The following PGLYRP2 variants were observed in gnomAD, a reference collection of about 807,000 sequenced individuals.
PGLYRP2 encodes peptidoglycan recognition protein 2, also known as N-acetylmuramoyl-L-alanine amidase.
PGLYRP2 carries 38 observed loss-of-function variants against 46.2 expected under a neutral mutation model. The ratio of observed to expected loss-of-function variants is 0.82; its 90% CI spans 0.64 to 1.08. The LOEUF is 1.08. PGLYRP2 is among the 50% of genes least tolerant of loss of function. The pLI is 0.00. For synonymous variants in PGLYRP2, 289 were observed against 329.4 expected (o/e 0.88, Z 1.33); for missense variants, 713 against 755.9 (o/e 0.94, Z 0.67).
At chr19:15,475,346 G>A (rs1599766436) in intron 2 of PGLYRP2, among the ~76,000 whole-genome samples, 192 bp downstream of exon 2, 1 of 152,094 alleles carries the variant, frequency 6.6e-6, no homozygotes, top group East Asian at 1.9e-4. Flanking sequence ...AACAAAATGA[G>A]ATGAACTCCT....
chr19:15,472,084 G>T lies in PGLYRP2; in HGVS notation c.1149C>A (p.His383Gln), dbSNP rs1044234704. Residue 383 changes from histidine (H) to glutamine (Q), a missense_variant, in exon 3 of 5, where the codon CAC becomes CAA. Coordinates refer to ENST00000340880, the MANE Select transcript of PGLYRP2 (RefSeq NM_052890.4). ...GCGCCGCTCCCCAGCGGCAGCGGGG[G>T]TGGATGGCCGGGCATCCTACAGGCA... ...TEAFLGCPAI[H>Q]PRCRWGAAPY... 1 of 1,602,958 alleles carries T rather than the reference G, an allele frequency of 6.2e-7. No homozygotes were observed. Among genetic ancestry groups the T allele is most frequent in the Non-Finnish European group, 8.5e-7 (1 of 1,179,634 alleles).
intron 3 of PGLYRP2, among the ~76,000 whole-genome samples, chr19:15,471,241 T>A (rs906620833): frequency 6.6e-6 from 1 of 150,476 alleles, no homozygotes; most frequent in East Asian, 2.0e-4. Flanking sequence ...GCCTCCCAAG[T>A]AGCTGGGACT....
At position 15,469,011 on chromosome 19, in the gene PGLYRP2, G is replaced by C; in HGVS notation, c.1642-259C>G. ...TGATGGCGATCAAGGGCTGGGATGA[G>C]GTCATCAGGTCAAAGTTGTGCTGGC... On this transcript the variant is annotated intron_variant, in intron 4 of 4. Coordinates refer to ENST00000340880, the MANE Select transcript of PGLYRP2 (RefSeq NM_052890.4). This position sits in a 1 kb window ranked among gnomAD's most constrained non-coding sequence, Gnocchi z 4.9. 1 of 510,556 alleles carries C rather than the reference G, an allele frequency of 2.0e-6. No homozygotes were observed. 31.6% of individuals were successfully genotyped at this position (510,556 alleles called of 1,614,324 possible).
At chr19:15,474,513 T>G (rs1463534232) in intron 2 of PGLYRP2, among the ~76,000 whole-genome samples, 2 of 152,050 alleles carry the variant, frequency 1.3e-5, no homozygotes, top group Admixed American at 1.3e-4. Flanking sequence ...GGTAAGAAAT[T>G]AACTTAACTG....
Position 15,471,890 on chromosome 19 carries a change from CTGT to C in PGLYRP2, c.1340_1342del (p.Tyr447_Ser448delinsCys). On this transcript the variant is annotated inframe_deletion and splice_region_variant, in exon 3 of 5. Coordinates refer to ENST00000340880, the MANE Select transcript of PGLYRP2 (RefSeq NM_052890.4). Reference sequence around the variant, plus strand: ...CCCTCCCCGGTCGGGCCCCTCCTACCTGTAGCCGATGTCTCCCCAGCCTTGCGT... The same window carrying C: ...CCCTCCCCGGTCGGGCCCCTCCTACCAGCCGATGTCTCCCCAGCCTTGCGT... 1 of 1,613,440 alleles carries C rather than the reference CTGT, an allele frequency of 6.2e-7. No individual in the cohort carries two copies. The highest frequency in any genetic ancestry group is 8.5e-7 in the Non-Finnish European group (1 of 1,179,542).
chr19:15,470,290 TTCC>T lies in PGLYRP2; in HGVS notation c.1344-364_1344-362del, dbSNP rs1190710508. Among the ~76,000 whole-genome samples the T allele has an allele frequency of 8.7e-3, 1,187 of 136,928 alleles. 7 individuals are homozygous for T. Among genetic ancestry groups the T allele is most frequent in the Non-Finnish European group, 0.011 (679 of 63,638 alleles). 89.8% of individuals were successfully genotyped at this position (136,928 alleles called of 152,430 possible). The stretch of plus-strand genomic sequence containing the variant: ...CTTCCTTCCTTCCTTCCTTCCTTCC[TTCC>T]TTCTTTCTTTCTTTCTTTTTTTGAT... On this transcript the variant is annotated intron_variant, in intron 3 of 4. Coordinates refer to ENST00000340880, the MANE Select transcript of PGLYRP2 (RefSeq NM_052890.4).
At position 15,479,166 on chromosome 19, in the gene PGLYRP2, G is replaced by A. The variant is rs1970823547; in HGVS notation, c.61+145C>T. The A allele has an allele frequency of 2.0e-5, 16 of 819,656 alleles. No homozygotes were observed. In the South Asian group the frequency reaches 2.6e-4, roughly 13 times the overall value. 50.8% of individuals were successfully genotyped at this position (819,656 alleles called of 1,614,324 possible). A position where few individuals can be genotyped will look rare whatever the true frequency, so the allele number is the denominator to read the frequency against. The stretch of plus-strand genomic sequence containing the variant: ...TCCTTGCCTTGACTCTGTGGAGCTG[G>A]GAATATCTATGTCCCCATGCTGGAG... On this transcript the variant is annotated intron_variant, in intron 1 of 4. Coordinates refer to ENST00000340880, the MANE Select transcript of PGLYRP2 (RefSeq NM_052890.4).
chr19:15,469,933 C>A lies in PGLYRP2; in HGVS notation c.1344-4G>T. On this transcript the variant is annotated splice_polypyrimidine_tract_variant and splice_region_variant and intron_variant, in intron 3 of 4. Coordinates refer to ENST00000340880, the MANE Select transcript of PGLYRP2 (RefSeq NM_052890.4). This position sits in a 1 kb window ranked among gnomAD's most constrained non-coding sequence, Gnocchi z 4.9. Reference sequence around the variant, plus strand: ...GCCGTCCGAGCCCACCACGAAACTGCAGAGGGGAGGGAGAAGCAAGCACCA... The same window carrying A: ...GCCGTCCGAGCCCACCACGAAACTGAAGAGGGGAGGGAGAAGCAAGCACCA... 1 of 1,419,572 alleles carries A rather than the reference C, an allele frequency of 7.0e-7. No individual in the cohort carries two copies. The highest frequency in any genetic ancestry group is 1.6e-5 in the South Asian group (1 of 64,154). 87.9% of individuals were successfully genotyped at this position (1,419,572 alleles called of 1,614,324 possible). A position where few individuals can be genotyped will look rare whatever the true frequency, so the allele number is the denominator to read the frequency against.
chr19:15,473,384 C>A (rs1037479454), intron 2 of PGLYRP2, among the ~76,000 whole-genome samples: 1 of 140,040 alleles, frequency 7.1e-6, no homozygotes, highest in Non-Finnish European at 1.5e-5. Context: ...GCAGGAGAAT[C>A]GCTTGAACCC....
chr19:15,469,573 G>T lies in PGLYRP2; in HGVS notation c.1641+59C>A. 6.5e-7 allele frequency: 1 copy of T among 1,547,034 alleles called. No homozygotes were observed. Among genetic ancestry groups the T allele is most frequent in the Non-Finnish European group, 8.7e-7 (1 of 1,151,868 alleles). On this transcript the variant is annotated intron_variant, in intron 4 of 4. Coordinates refer to ENST00000340880, the MANE Select transcript of PGLYRP2 (RefSeq NM_052890.4). This position sits in a 1 kb window ranked among gnomAD's most constrained non-coding sequence, Gnocchi z 4.9. ...GTTACAGGCAGGGGGCAGGGGCCTC[G>T]TGGAGCTTGTGTAGACGGAGGGGCG... is the stretch of plus-strand genomic sequence containing the variant.
At chr19:15,472,402 C>T (rs796468490) in intron 2 of PGLYRP2, among the ~76,000 whole-genome samples, 16 of 152,068 alleles carry the variant, frequency 1.1e-4, no homozygotes, top group African/African-American at 3.9e-4. Context: ...CCAGCCTGGC[C>T]AACATGGTGA....
At chr19:15,475,038 AT>A (rs1390129902) in intron 2 of PGLYRP2, among the ~76,000 whole-genome samples, 1 of 152,114 alleles carries the variant, frequency 6.6e-6, no homozygotes, top group African/African-American at 2.4e-5. Context: ...ACTGGAGGCC[AT>A]TATCTCAAGT....
rs1339775394 is a variant in PGLYRP2 at position 15,472,608 on chromosome 19, G to A, written c.1133-508C>T. 3.3e-5 allele frequency among the ~76,000 whole-genome samples: 5 copies of A among 151,354 alleles called. No homozygotes were observed. In the East Asian group the frequency reaches 9.8e-4, roughly 30 times the overall value. ...ACTCTGTCCCCCCCAAAAAAAAATT[G>A]GAGGTGGGGGCAGGCATGGTGGCTC... On this transcript the variant is annotated intron_variant, in intron 2 of 4. Coordinates refer to ENST00000340880, the MANE Select transcript of PGLYRP2 (RefSeq NM_052890.4).
At chr19:15,474,259 C>T (rs1477260664) in intron 2 of PGLYRP2, among the ~76,000 whole-genome samples, 7 of 152,120 alleles carry the variant, frequency 4.6e-5, no homozygotes, top group Non-Finnish European at 8.8e-5. Flanking sequence ...AACGCTTGAA[C>T]CCAGGAAGTG....
In PGLYRP2 at chr19:15,476,281, G is replaced by A. The variant is rs756802104; in HGVS notation, c.389C>T (p.Ala130Val). Residue 130 changes from alanine (A) to valine (V), a missense_variant, in exon 2 of 5, where the codon GCA becomes GTA. By Grantham distance (64) the Ala-to-Val change is moderately conservative. Transcript: ENST00000340880. Reference sequence around the variant, plus strand: ...TATGACCCTGCGCCCTTGCAGCCCTGCCTCCAGCCCCGCCAGCAGAGGCTC... The same window carrying A: ...TATGACCCTGCGCCCTTGCAGCCCTACCTCCAGCCCCGCCAGCAGAGGCTC... ...AVEPLLAGLE[A>V]GLQGRRVINL... 5.6e-6 allele frequency: 9 copies of A among 1,614,046 alleles called. No individual in the cohort carries two copies. The highest frequency in any genetic ancestry group is 1.1e-5 in the South Asian group (1 of 91,084).
rs1186135326 is a variant in PGLYRP2 at position 15,475,749 on chromosome 19, C to T, written c.921G>A (p.Gly307=). ...SHLLSQYYGA[G]VARDPGFRSN... The stretch of plus-strand genomic sequence containing the variant: ...TGCGGAACCCTGGGTCTCTGGCCAC[C>T]CCAGCCCCATAGTACTGGCTCAGCA... The change falls in exon 2 of 5, where the codon GGG becomes GGA. Residue 307 remains glycine, a synonymous_variant. Transcript: ENST00000340880. 2.5e-6 allele frequency: 4 copies of T among 1,613,896 alleles called. No individual in the cohort carries two copies. The highest frequency in any genetic ancestry group is 3.3e-5 in the Admixed American group (2 of 59,986).
Position 15,469,758 on chromosome 19 carries a change from A to T in PGLYRP2, c.1515T>A (p.Ser505Arg). The change falls in exon 4 of 5, where the codon AGT (serine) becomes AGA (arginine). Residue 505 changes from serine (S) to arginine (R), a missense_variant. Physicochemically the swap from Ser to Arg is moderately radical, Grantham distance 110. Transcript: ENST00000340880. This position sits in a 1 kb window ranked among gnomAD's most constrained non-coding sequence, Gnocchi z 4.9. The part of the protein sequence containing the change: ...ALRTVRDTLP[S>R]CAVRAGLLRP... ...GCAGGAGGCCGGCGCGCACCGCACA[A>T]CTCGGGAGCGTGTCGCGCACCGTGC... 1 of 1,505,414 alleles carries T rather than the reference A, an allele frequency of 6.6e-7. No homozygotes were observed. The highest frequency in any genetic ancestry group is 8.8e-7 in the Non-Finnish European group (1 of 1,135,104). The allele number at this position is 1,505,414 out of a possible 1,614,324, so 93.3% of individuals were successfully genotyped here.
chr19:15,475,133 C>T (rs1441363148), intron 2 of PGLYRP2, among the ~76,000 whole-genome samples: 2 of 151,868 alleles, frequency 1.3e-5, no homozygotes, highest in Admixed American at 6.6e-5. Context: ...ATGGATGTAG[C>T]GTGTGGAAAG....
At chr19:15,472,157 C>T (rs1970756666) in intron 2 of PGLYRP2, 57 bp from the exon 3 acceptor site, 1 of 1,439,978 alleles carries the variant, frequency 6.9e-7, no homozygotes, top group Non-Finnish European at 9.5e-7. Flanking sequence ...CCTGTTCCTC[C>T]ACCCGCATTA....
Sources: gnomAD v4.1 joint callset for allele counts (sites outside exome capture counted in the v4.1 genomes callset) on GRCh38, gnomAD v4.1.1 for gene constraint, Gnocchi (gnomAD v3.1) non-coding constraint, MANE v1.5 for transcripts, NCBI Gene and HGNC (gene_info 2026-07-23, HGNC 2026-07-21) for gene names.